The following PRKCA variants were observed in gnomAD, a reference collection of about 807,000 sequenced individuals.
PRKCA encodes the protein protein kinase C alpha type.
A neutral mutation model predicts 87.0 loss-of-function variants in PRKCA; 27 were observed. That is an observed-to-expected ratio of 0.31 (90% CI 0.23 to 0.43). The LOEUF (loss-of-function observed/expected upper bound fraction) is 0.43, where lower values mean the gene tolerates loss of function less well. Among genes scored for constraint, PRKCA ranks in the 20% least tolerant of loss-of-function variants. PRKCA has a pLI of 1.00. For missense variants in PRKCA, 518 were observed against 852.3 expected, an observed-to-expected ratio of 0.61 and a Z score of 4.88; for synonymous variants, 329 against 311.1, an observed-to-expected ratio of 1.06 and a Z score of -0.61.
At chr17:66,538,359 G>C (rs1967861609) in intron 3 of PRKCA, among the ~76,000 whole-genome samples, 1 of 152,182 alleles carries the variant, frequency 6.6e-6, no homozygotes, top group Non-Finnish European at 1.5e-5. Context: ...CTGCTCTCGG[G>C]AGACATCCCT....
At chr17:66,794,738 A>C (rs1462231053) in intron 16 of PRKCA, among the ~76,000 whole-genome samples, 8 of 151,308 alleles carry the variant, frequency 5.3e-5, no homozygotes, top group Non-Finnish European at 8.8e-5. Context: ...CTCCTGCCTC[A>C]GCCTCCTGAG....
chr17:66,438,465 T>C (rs1913534727), intron 2 of PRKCA, among the ~76,000 whole-genome samples: 1 of 152,136 alleles, frequency 6.6e-6, no homozygotes. Context: ...AAAGCTCGAA[T>C]AATGGAGAGC....
chr17:66,481,638 C>CT (rs1321566510), intron 2 of PRKCA, among the ~76,000 whole-genome samples: 1 of 152,194 alleles, frequency 6.6e-6, no homozygotes, highest in Non-Finnish European at 1.5e-5. Context: ...CCCACACCAT[C>CT]TTTTTTGAAA....
intron 3 of PRKCA, among the ~76,000 whole-genome samples, chr17:66,551,561 C>A (rs2143220504): frequency 6.6e-6 from 1 of 152,326 alleles, no homozygotes; most frequent in Middle Eastern, 3.4e-3. Context: ...AGTCTTATAA[C>A]CTAATCCAGG....
intron 8 of PRKCA, among the ~76,000 whole-genome samples, chr17:66,716,061 T>C (rs1211145349): frequency 6.6e-6 from 1 of 152,136 alleles, no homozygotes; most frequent in Non-Finnish European, 1.5e-5. Context: ...TTCAGTGTGC[T>C]GCAAAGAAGT....
intron 2 of PRKCA, among the ~76,000 whole-genome samples, chr17:66,445,757 G>A (rs928715735): frequency 6.6e-5 from 10 of 151,902 alleles, no homozygotes; most frequent in Non-Finnish European, 1.3e-4. Flanking sequence ...GGTGTCCTTG[G>A]TGGTGTTTTC....
intron 8 of PRKCA, among the ~76,000 whole-genome samples, chr17:66,714,266 C>T (rs953537236): frequency 6.6e-6 from 1 of 151,722 alleles, no homozygotes; most frequent in Non-Finnish European, 1.5e-5. Context: ...TGAGTCCACG[C>T]CCCCCTCAAG....
At chr17:66,426,202 C>T (rs767452930) in intron 2 of PRKCA, among the ~76,000 whole-genome samples, 5 of 152,102 alleles carry the variant, frequency 3.3e-5, no homozygotes, top group East Asian at 3.9e-4. Context: ...ATTCGGGGAA[C>T]GATGATCAGA....
Position 66,804,952 on chromosome 17 carries a change from T to C in PRKCA, c.*915T>C. On this transcript the variant is annotated 3_prime_UTR_variant, in exon 17 of 17. Coordinates refer to ENST00000413366, the MANE Select transcript of PRKCA (RefSeq NM_002737.3). Reference sequence around the variant, plus strand: ...CAACATTTTGCTGCCTACCTTGTTATCCTTCTCAAGAAGCTGAAGTGTACG... The same window carrying C: ...CAACATTTTGCTGCCTACCTTGTTACCCTTCTCAAGAAGCTGAAGTGTACG... 2 of 978,408 alleles carry C rather than the reference T, an allele frequency of 2.0e-6. No homozygotes were observed. The highest frequency in any genetic ancestry group is 2.4e-6 in the Non-Finnish European group (2 of 823,242). The allele number at this position is 978,408 out of a possible 1,614,324, so 60.6% of individuals were successfully genotyped here. A position where few individuals can be genotyped will look rare whatever the true frequency, so the allele number is the denominator to read the frequency against.
intron 5 of PRKCA, among the ~76,000 whole-genome samples, chr17:66,651,614 T>C (rs2143847404): frequency 6.6e-6 from 1 of 152,332 alleles, no homozygotes; most frequent in East Asian, 1.9e-4. Context: ...GAAAAGGCAT[T>C]AGTTGGAAGT....
At chr17:66,381,715 C>G (rs1479528557) in intron 2 of PRKCA, among the ~76,000 whole-genome samples, 1 of 152,142 alleles carries the variant, frequency 6.6e-6, no homozygotes, top group African/African-American at 2.4e-5. Flanking sequence ...CCACTGTCTT[C>G]CAGGTTTTCA....
rs146772758 is a variant in PRKCA, at chr17:66,722,234, C to A, written c.919-10454C>A. 2.6e-4 allele frequency among the ~76,000 whole-genome samples: 40 copies of A among 152,096 alleles called. No individual in the cohort carries two copies. The East Asian group carries it at 7.3e-3, about 28-fold the overall frequency. ...GAGTGTCTATGGTATTAAGTTAAAC[C>A]CTTTGAAATTGCTGTTAAGGTGGGT... On this transcript the variant is annotated intron_variant, in intron 8 of 16. Transcript: ENST00000413366.
intron 2 of PRKCA, among the ~76,000 whole-genome samples, chr17:66,471,034 G>A (rs1446645461): frequency 8.6e-6 from 1 of 116,312 alleles, no homozygotes; most frequent in East Asian, 2.5e-4. Context: ...TTTTTTAATT[G>A]TACTTCTACA....
chr17:66,720,293 C>G (rs966264414), intron 8 of PRKCA, among the ~76,000 whole-genome samples: 4 of 152,222 alleles, frequency 2.6e-5, no homozygotes, highest in Non-Finnish European at 5.9e-5. Context: ...GCGTGCTTGG[C>G]GTGTCCCAGC....
At chr17:66,308,771 A>T (rs1904948511) in intron 2 of PRKCA, among the ~76,000 whole-genome samples, 1 of 152,186 alleles carries the variant, frequency 6.6e-6, no homozygotes, top group Non-Finnish European at 1.5e-5. Context: ...GATGCTTTTA[A>T]TCCCACAAAT....
chr17:66,796,799 T>C (rs1436346515), intron 16 of PRKCA: 13 of 985,242 alleles, frequency 1.3e-5, no homozygotes, highest in Non-Finnish European at 1.3e-5. Context: ...ATGCGGTTGC[T>C]AAGGCGCTCC....
At position 66,343,174 on chromosome 17, in the gene PRKCA, A is replaced by G. The variant is rs190743100; in HGVS notation, c.205+37047A>G. On this transcript the variant is annotated intron_variant, in intron 2 of 16. Coordinates refer to ENST00000413366, the MANE Select transcript of PRKCA (RefSeq NM_002737.3). Reference sequence around the variant, plus strand: ...TCTTGTTTGGTTTACCGTGCTGACCATAGGTTATATGTCATTTTATGCATA... The same window carrying G: ...TCTTGTTTGGTTTACCGTGCTGACCGTAGGTTATATGTCATTTTATGCATA... Among the ~76,000 whole-genome samples, 821 of 151,072 alleles carry G rather than the reference A, an allele frequency of 5.4e-3. 2 individuals are homozygous for G. The highest frequency in any genetic ancestry group is 8.1e-3 in the Non-Finnish European group (545 of 67,264).
At chr17:66,616,030 G>A (rs1447344504) in intron 3 of PRKCA, among the ~76,000 whole-genome samples, 2 of 152,122 alleles carry the variant, frequency 1.3e-5, no homozygotes, top group Non-Finnish European at 2.9e-5. Flanking sequence ...GAGGTTTTAT[G>A]CAATGTTACT....
At chr17:66,564,947 T>G (rs779928240) in intron 3 of PRKCA, among the ~76,000 whole-genome samples, 10 of 152,202 alleles carry the variant, frequency 6.6e-5, no homozygotes, top group Non-Finnish European at 1.2e-4. Context: ...GCCACTGCAC[T>G]CCAGCCTGGG....
Sources: allele counts gnomAD v4.1 joint callset (sites outside exome capture counted in the v4.1 genomes callset), GRCh38; gene constraint gnomAD v4.1.1; transcripts MANE v1.5; gene names NCBI Gene and HGNC (gene_info 2026-07-23, HGNC 2026-07-21).